Variants in ELAPOR2 observed in about 807,000 individuals in gnomAD.
ELAPOR2 encodes the protein endosome/lysosome-associated apoptosis and autophagy regulator family member 2.
ELAPOR2 carries 89 observed loss-of-function variants against 120.7 expected under a neutral mutation model. The observed-to-expected ratio is 0.74, with a 90% CI of 0.62 to 0.88. The LOEUF is 0.88. Among genes scored for constraint, ELAPOR2 ranks in the 40% least tolerant of loss-of-function variants. The pLI is 0.00. For synonymous variants in ELAPOR2, 444 were observed against 444.9 expected (o/e 1.00, Z 0.03); for missense variants, 1,134 against 1,251.6 (o/e 0.91, Z 1.42).
chr7:86,914,715 G>A lies in ELAPOR2; in HGVS notation c.1731+8C>T, dbSNP rs201358708. The A allele has an allele frequency of 4.9e-5, 78 of 1,597,238 alleles. No individual in the cohort carries two copies. The East Asian group carries it at 1.6e-3, about 32-fold the overall frequency. ...TTAAAATTTTAAAAAAAAGTGCTTG[G>A]AACTTACATCTTGACCCTGATTAGT... On this transcript the variant is annotated splice_region_variant and intron_variant, in intron 13 of 21. Coordinates refer to ENST00000450689, the MANE Select transcript of ELAPOR2 (RefSeq NM_001142749.3).
At chr7:86,956,870 G>A (rs964264539) in intron 2 of ELAPOR2, among the ~76,000 whole-genome samples, 1 of 152,148 alleles carries the variant, frequency 6.6e-6, no homozygotes, top group Non-Finnish European at 1.5e-5. Context: ...CAATACATCC[G>A]TGAAATCAGT....
At chr7:86,963,572 G>T (rs1012094615) in intron 2 of ELAPOR2, among the ~76,000 whole-genome samples, 1 of 152,082 alleles carries the variant, frequency 6.6e-6, no homozygotes, top group Non-Finnish European at 1.5e-5. Context: ...AAATGGTTAG[G>T]AGTCCACTTG....
chr7:86,926,920 C>CAAAAAAAA lies in ELAPOR2; in HGVS notation c.1090-12_1090-5dup, dbSNP rs397698585. ...TCCACTTGTACATTATCTGTGTCTACAAAAAAAAAAAAAAAAAAAAAGCAA... is the reference window on the plus strand; with the variant it reads ...TCCACTTGTACATTATCTGTGTCTACAAAAAAAAAAAAAAAAAAAAAAAAAAAAAGCAA... On this transcript the variant is annotated splice_polypyrimidine_tract_variant and splice_region_variant and intron_variant, in intron 8 of 21. Coordinates refer to ENST00000450689, the MANE Select transcript of ELAPOR2 (RefSeq NM_001142749.3). The CAAAAAAAA allele has an allele frequency of 1.2e-5, 11 of 891,254 alleles. No individual in the cohort carries two copies. The highest frequency in any genetic ancestry group is 7.9e-5 in the Admixed American group (1 of 12,616). The allele number at this position is 891,254 out of a possible 1,614,324, so 55.2% of individuals were successfully genotyped here. A position where few individuals can be genotyped will look rare whatever the true frequency, so the allele number is the denominator to read the frequency against.
In ELAPOR2 at chr7:86,986,023, C is replaced by T. The variant is rs1205845530; in HGVS notation, c.190-20999G>A. Among the ~76,000 whole-genome samples the T allele has an allele frequency of 5.9e-5, 9 of 152,020 alleles. No homozygotes were observed. The East Asian group carries it at 1.7e-3, about 29-fold the overall frequency. Reference sequence around the variant, plus strand: ...TGCAAGACAGGGATGCCTTCTCTCACCACTCCTATTCAACATAGTGTTAGA... The same window carrying T: ...TGCAAGACAGGGATGCCTTCTCTCATCACTCCTATTCAACATAGTGTTAGA... On this transcript the variant is annotated intron_variant, in intron 1 of 21. Coordinates refer to ENST00000450689, the MANE Select transcript of ELAPOR2 (RefSeq NM_001142749.3).
At chr7:87,040,890 A>G (rs1398090460) in intron 1 of ELAPOR2, among the ~76,000 whole-genome samples, 8 of 152,098 alleles carry the variant, frequency 5.3e-5, no homozygotes. Flanking sequence ...ATGTATAACT[A>G]GAATAACCAA....
At position 86,943,591 on chromosome 7, in the gene ELAPOR2, T is replaced by C. The variant is rs553162052; in HGVS notation, c.654+1308A>G. Among the ~76,000 whole-genome samples, 56 of 152,148 alleles carry C rather than the reference T, an allele frequency of 3.7e-4. 1 individual carries two copies. Among genetic ancestry groups the C allele is most frequent in the Middle Eastern group, 6.8e-3 (2 of 294 alleles). On this transcript the variant is annotated intron_variant, in intron 4 of 21. Transcript: ENST00000450689. The stretch of plus-strand genomic sequence containing the variant: ...CAAAGGCATCGCTGACAGGAATTAA[T>C]GAAACTTTATGCCTTAAGGGTACCT...
intron 1 of ELAPOR2, among the ~76,000 whole-genome samples, chr7:86,983,618 T>C: frequency 6.6e-6 from 1 of 152,162 alleles, no homozygotes; most frequent in East Asian, 1.9e-4. Context: ...ATAAAATCCT[T>C]TAAAGACAAA....
chr7:86,908,777 C>T (rs1161111421), intron 16 of ELAPOR2, among the ~76,000 whole-genome samples: 1 of 152,004 alleles, frequency 6.6e-6, no homozygotes, highest in African/African-American at 2.4e-5. Context: ...CTTTTCACTT[C>T]CCTGGGTCTT....
intron 1 of ELAPOR2, chr7:86,965,741 ATAT>A: frequency 1.2e-6 from 1 of 826,994 alleles, no homozygotes. Context: ...CCCAAACAAA[ATAT>A]TATTGGAGCA....
chr7:86,908,579 T>C (rs1230103310), intron 16 of ELAPOR2, 36 bp from the exon 17 acceptor site: 1 of 969,226 alleles, frequency 1.0e-6, no homozygotes, highest in South Asian at 1.6e-5. Context: ...TTAAGCAATA[T>C]GGAAAATTAG....
chr7:86,978,204 C>T (rs540765404), intron 1 of ELAPOR2, among the ~76,000 whole-genome samples: 1 of 152,276 alleles, frequency 6.6e-6, no homozygotes, highest in African/African-American at 2.4e-5. Flanking sequence ...CAGTCATTGT[C>T]TCTCCTGCCA....
intron 1 of ELAPOR2, among the ~76,000 whole-genome samples, chr7:87,035,420 C>T (rs901054771): frequency 6.6e-6 from 1 of 152,174 alleles, no homozygotes; most frequent in Non-Finnish European, 1.5e-5. Flanking sequence ...AAATCTTGTC[C>T]TCTAAATGAG....
At chr7:86,961,010 A>C (rs2116463091) in intron 2 of ELAPOR2, among the ~76,000 whole-genome samples, 1 of 152,304 alleles carries the variant, frequency 6.6e-6, no homozygotes, top group Admixed American at 6.5e-5. Flanking sequence ...TAAATATATA[A>C]AAGTCATGTT....
intron 1 of ELAPOR2, among the ~76,000 whole-genome samples, chr7:87,027,699 C>T (rs977621820): frequency 6.6e-6 from 1 of 152,058 alleles, no homozygotes; most frequent in African/African-American, 2.4e-5. Flanking sequence ...CCATCCATGC[C>T]AAGGAGAGAA....
intron 1 of ELAPOR2, among the ~76,000 whole-genome samples, chr7:87,033,607 CA>C (rs1268617119): frequency 6.6e-6 from 1 of 152,002 alleles, no homozygotes; most frequent in African/African-American, 2.4e-5. Flanking sequence ...AAAAATATGA[CA>C]TTTTTTCCAA....
chr7:86,988,854 CAT>C (rs928052372), intron 1 of ELAPOR2, among the ~76,000 whole-genome samples: 1 of 152,168 alleles, frequency 6.6e-6, no homozygotes, highest in Admixed American at 6.5e-5. Context: ...ATTCACAGTA[CAT>C]GTTTTGTTGC....
rs182062697 is a variant in ELAPOR2, at chr7:86,884,991, G to A, written c.3031-4461C>T. The stretch of plus-strand genomic sequence containing the variant: ...GATTCCCATAGGAAAACTTAGTGAA[G>A]CATTGACTCATATTTGGACTCTTAT... On this transcript the variant is annotated intron_variant, in intron 21 of 21. Transcript: ENST00000450689. 6.1e-3 allele frequency among the ~76,000 whole-genome samples: 925 copies of A among 152,280 alleles called. 13 individuals are homozygous for A. The highest frequency in any genetic ancestry group is 0.021 in the African/African-American group (868 of 41,568).
intron 2 of ELAPOR2, among the ~76,000 whole-genome samples, chr7:86,956,797 T>C (rs1038602754): frequency 1.3e-5 from 2 of 151,954 alleles, no homozygotes; most frequent in Admixed American, 6.6e-5. Context: ...AAAAAGACAA[T>C]AGTGAAGGTC....
chr7:86,989,244 C>A (rs1385581929), intron 1 of ELAPOR2, among the ~76,000 whole-genome samples: 2 of 152,096 alleles, frequency 1.3e-5, no homozygotes, highest in African/African-American at 2.4e-5. Context: ...GCTGTATGTG[C>A]TAGGCTCCAA....
Sources: gnomAD v4.1 joint callset for allele counts (sites outside exome capture counted in the v4.1 genomes callset) on GRCh38, gnomAD v4.1.1 for gene constraint, MANE v1.5 for transcripts, NCBI Gene and HGNC (gene_info 2026-07-23, HGNC 2026-07-21) for gene names.